EPHA4: variants seen among roughly 807,000 people sequenced by gnomAD.
EPHA4 encodes ephrin type-A receptor 4.
In EPHA4, 19 loss-of-function variants were observed where a neutral mutation model predicts 108.3. The ratio of observed to expected loss-of-function variants is 0.18; its 90% CI spans 0.12 to 0.26. The LOEUF (loss-of-function observed/expected upper bound fraction) is 0.26. Among genes scored for constraint, EPHA4 ranks in the 10% least tolerant of loss-of-function variants. The pLI, the probability that EPHA4 is intolerant of heterozygous loss-of-function variation, is 1.00. For missense variants in EPHA4, 917 were observed against 1,254.0 expected (o/e 0.73, Z 4.06); for synonymous variants, 449 against 455.5 (o/e 0.99, Z 0.18).
chr2:221,520,758 C>T (rs1396692365), intron 3 of EPHA4, among the ~76,000 whole-genome samples: 2 of 152,122 alleles, frequency 1.3e-5, no homozygotes, highest in Admixed American at 1.3e-4. Flanking sequence ...TTTCTATGAG[C>T]TGGTGACGCT....
intron 11 of EPHA4, chr2:221,437,347 T>C: frequency 2.4e-6 from 1 of 422,388 alleles, no homozygotes; most frequent in Non-Finnish European, 4.2e-6. Context: ...GGGTGGCTTG[T>C]TGACAAGGTC....
At chr2:221,453,151 A>C (rs1690837162) in intron 8 of EPHA4, among the ~76,000 whole-genome samples, 4 of 152,234 alleles carry the variant, frequency 2.6e-5, no homozygotes, top group Admixed American at 2.6e-4. Context: ...AGAGATGGTC[A>C]AGACACAAGG....
intron 3 of EPHA4, among the ~76,000 whole-genome samples, chr2:221,536,642 A>G (rs1328031331): frequency 6.6e-6 from 1 of 152,210 alleles, no homozygotes. Flanking sequence ...TTGTCTCTCA[A>G]AGGGGGTTAT....
chr2:221,425,963 C>T lies in EPHA4; in HGVS notation c.*65G>A. On this transcript the variant is annotated 3_prime_UTR_variant, in exon 17 of 18. Coordinates refer to ENST00000281821, the MANE Select transcript of EPHA4 (RefSeq NM_004438.5). ...AAGACGAAGTAAAAAAAGTGCAGTTCTTCAATTAAAGTGCATGGATGAGGT... is the reference window on the plus strand; with the variant it reads ...AAGACGAAGTAAAAAAAGTGCAGTTTTTCAATTAAAGTGCATGGATGAGGT... 2.3e-6 allele frequency: 3 copies of T among 1,326,816 alleles called. No homozygotes were observed. The highest frequency in any genetic ancestry group is 1.5e-5 in the African/African-American group (1 of 68,284). 82.2% of individuals were successfully genotyped at this position (1,326,816 alleles called of 1,614,324 possible). A position where few individuals can be genotyped will look rare whatever the true frequency, so the allele number is the denominator to read the frequency against.
Position 221,434,295 on chromosome 2 carries a change from T to A in EPHA4, c.2347-4A>T. 3 of 1,613,676 alleles carry A rather than the reference T, an allele frequency of 1.9e-6. No homozygotes were observed. The African/African-American group carries it at 4.0e-5, about 22-fold the overall frequency. ...ACCGGATAGGAATCTTGCCACCCTGTGAACATTTGAGCCATAAGTTATTCC... is the reference window on the plus strand; with the variant it reads ...ACCGGATAGGAATCTTGCCACCCTGAGAACATTTGAGCCATAAGTTATTCC... On this transcript the variant is annotated splice_polypyrimidine_tract_variant and splice_region_variant and intron_variant, in intron 13 of 17. Coordinates refer to ENST00000281821, the MANE Select transcript of EPHA4 (RefSeq NM_004438.5).
intron 3 of EPHA4, among the ~76,000 whole-genome samples, chr2:221,558,477 C>T (rs552926692): frequency 1.3e-5 from 2 of 152,134 alleles, no homozygotes; most frequent in South Asian, 4.1e-4. Context: ...ATGTGAAAGT[C>T]AAACTTATAT....
intron 4 of EPHA4, among the ~76,000 whole-genome samples, chr2:221,492,339 GAAA>G (rs760375386): frequency 1.3e-5 from 2 of 151,576 alleles, no homozygotes; most frequent in Non-Finnish European, 2.9e-5. Context: ...AGTATGTGGG[GAAA>G]AAAAAGAGGA....
At chr2:221,490,570 T>C (rs1454500133) in intron 4 of EPHA4, among the ~76,000 whole-genome samples, 1 of 152,200 alleles carries the variant, frequency 6.6e-6, no homozygotes, top group Non-Finnish European at 1.5e-5. Context: ...ACACATATCT[T>C]GGAGGAAGCA....
intron 3 of EPHA4, among the ~76,000 whole-genome samples, chr2:221,560,473 C>T (rs754413887): frequency 3.3e-5 from 5 of 151,934 alleles, no homozygotes; most frequent in African/African-American, 7.3e-5. Context: ...AGTGTGAAAA[C>T]GTATATTATT....
chr2:221,546,469 TA>T (rs1393516530), intron 3 of EPHA4, among the ~76,000 whole-genome samples: 3 of 151,988 alleles, frequency 2.0e-5, no homozygotes, highest in Non-Finnish European at 4.4e-5. Flanking sequence ...AGTTTTCTTT[TA>T]TTTCCTTTTT....
intron 3 of EPHA4, among the ~76,000 whole-genome samples, chr2:221,505,159 C>A (rs1313270290): frequency 6.6e-6 from 1 of 152,018 alleles, no homozygotes; most frequent in East Asian, 1.9e-4. Context: ...TATGGCCGGT[C>A]AATGAATACT....
chr2:221,570,325 CCA>C (rs1491236238), intron 1 of EPHA4, among the ~76,000 whole-genome samples: 6 of 117,932 alleles, frequency 5.1e-5, no homozygotes, highest in African/African-American at 1.5e-4. Flanking sequence ...TCCCCCCCCC[CCA>C]AAAAAAGAGG....
intron 4 of EPHA4, among the ~76,000 whole-genome samples, chr2:221,486,353 C>T (rs1380615580): frequency 6.6e-6 from 1 of 152,094 alleles, no homozygotes; most frequent in Non-Finnish European, 1.5e-5. Flanking sequence ...TCCTTTCCTG[C>T]TTTGTTTGTA....
intron 5 of EPHA4, among the ~76,000 whole-genome samples, chr2:221,465,983 T>C (rs1446149832): frequency 6.6e-6 from 1 of 152,162 alleles, no homozygotes; most frequent in Admixed American, 6.5e-5. Flanking sequence ...CTGAAAGGCC[T>C]TTGGGTTCCC....
chr2:221,434,073 A>G lies in EPHA4; in HGVS notation c.2496+69T>C, dbSNP rs1690159061. 1.0e-5 allele frequency: 16 copies of G among 1,530,994 alleles called. No individual in the cohort carries two copies. In the South Asian group the frequency reaches 1.5e-4, roughly 14 times the overall value. 94.8% of individuals were successfully genotyped at this position (1,530,994 alleles called of 1,614,324 possible). On this transcript the variant is annotated intron_variant, in intron 14 of 17. Transcript: ENST00000281821. Reference sequence around the variant, plus strand: ...TCATTTCAAACCCCGTGCCCACTCCATCATACAGTAATGCAGAACTTCCTG... The same window carrying G: ...TCATTTCAAACCCCGTGCCCACTCCGTCATACAGTAATGCAGAACTTCCTG...
At chr2:221,492,223 T>C (rs573657560) in intron 4 of EPHA4, among the ~76,000 whole-genome samples, 10 of 152,294 alleles carry the variant, frequency 6.6e-5, no homozygotes, top group African/African-American at 2.2e-4. Flanking sequence ...CTAAATGGCA[T>C]TGGCAGATTA....
intron 3 of EPHA4, among the ~76,000 whole-genome samples, chr2:221,533,726 A>C (rs1037440111): frequency 0.02 from 309 of 15,374 alleles, no homozygotes; most frequent in Non-Finnish European, 0.03. Context: ...GACTAGTGTC[A>C]AAAAAAAAAA....
chr2:221,468,222 G>A (rs1367235), intron 5 of EPHA4, among the ~76,000 whole-genome samples: 12 of 150,442 alleles, frequency 8.0e-5, no homozygotes, highest in Non-Finnish European at 5.9e-5. Flanking sequence ...ACTTCCTAGG[G>A]AAGATCAGAG....
At chr2:221,423,145 A>G (rs1161962883) in intron 17 of EPHA4, among the ~76,000 whole-genome samples, 1 of 152,238 alleles carries the variant, frequency 6.6e-6, no homozygotes, top group Non-Finnish European at 1.5e-5. Context: ...TGTGGAGCTC[A>G]CCGTGTTTTA....
Sources: gnomAD v4.1 joint callset for allele counts (sites outside exome capture counted in the v4.1 genomes callset) on GRCh38, gnomAD v4.1.1 for gene constraint, MANE v1.5 for transcripts, NCBI Gene and HGNC (gene_info 2026-07-23, HGNC 2026-07-21) for gene names.